RALYL: variants seen among roughly 807,000 people sequenced by gnomAD.
The protein encoded by RALYL is RALY RNA binding protein like, also known as RNA-binding Raly-like protein.
In RALYL, 29 loss-of-function variants were observed where a neutral mutation model predicts 35.1. The ratio of observed to expected loss-of-function variants is 0.83; its 90% CI spans 0.61 to 1.13. The LOEUF (loss-of-function observed/expected upper bound fraction) is 1.13. Ranked by LOEUF, RALYL falls within the 50% of genes most tolerant of loss-of-function variation. The pLI is 0.00. For missense variants in RALYL, 359 were observed against 360.4 expected, an observed-to-expected ratio of 1.00 and a Z score of 0.03; for synonymous variants, 120 against 127.6, an observed-to-expected ratio of 0.94 and a Z score of 0.40.
intron 1 of RALYL, among the ~76,000 whole-genome samples, chr8:84,351,713 A>G (rs1850925487): frequency 6.7e-6 from 1 of 150,056 alleles, no homozygotes; most frequent in South Asian, 2.1e-4. Context: ...TTGTTTTGCA[A>G]GGATGGGGTG....
At chr8:84,687,582 G>C (rs1368224845) in intron 2 of RALYL, among the ~76,000 whole-genome samples, 1 of 151,976 alleles carries the variant, frequency 6.6e-6, no homozygotes, top group Non-Finnish European at 1.5e-5. Context: ...ATCTTGTTTA[G>C]CTCAGTTACT....
chr8:84,719,386 A>G (rs867146962), intron 2 of RALYL, among the ~76,000 whole-genome samples: 2 of 152,146 alleles, frequency 1.3e-5, no homozygotes, highest in African/African-American at 2.4e-5. Context: ...ATATTCACAG[A>G]TGTGTATGCA....
chr8:84,351,562 A>G (rs1285808503), intron 1 of RALYL, among the ~76,000 whole-genome samples: 2 of 149,216 alleles, frequency 1.3e-5, no homozygotes, highest in Non-Finnish European at 3.0e-5. Context: ...GGCCAACTAG[A>G]TACCCTTCAA....
chr8:84,324,606 A>T (rs1053292676), intron 1 of RALYL, among the ~76,000 whole-genome samples: 1 of 149,418 alleles, frequency 6.7e-6, no homozygotes, highest in Admixed American at 6.6e-5. Context: ...TTTTTTTGTA[A>T]ACTTTTCCAG....
chr8:84,818,558 A>G (rs186870205), intron 4 of RALYL, among the ~76,000 whole-genome samples: 1 of 152,198 alleles, frequency 6.6e-6, no homozygotes, highest in African/African-American at 2.4e-5. Context: ...AGCTAGGAAG[A>G]TTCAGGAAAA....
intron 1 of RALYL, among the ~76,000 whole-genome samples, chr8:84,470,136 G>T (rs541000849): frequency 2.0e-5 from 3 of 152,166 alleles, no homozygotes; most frequent in Non-Finnish European, 4.4e-5. Context: ...GACAGGAGCT[G>T]TTCCTATTCG....
intron 1 of RALYL, among the ~76,000 whole-genome samples, chr8:84,221,273 A>C (rs1444375811): frequency 7.1e-6 from 1 of 141,360 alleles, no homozygotes; most frequent in Non-Finnish European, 1.6e-5. Context: ...ATCTTATAAG[A>C]AAATGGAAAG....
chr8:84,886,984 C>A (rs1842998706), intron 7 of RALYL, among the ~76,000 whole-genome samples: 1 of 152,144 alleles, frequency 6.6e-6, no homozygotes, highest in South Asian at 2.1e-4. Flanking sequence ...CAACTTTGAA[C>A]CCAGGTTGTC....
intron 8 of RALYL, among the ~76,000 whole-genome samples, chr8:84,913,023 GAT>G (rs1563856102): frequency 3.5e-4 from 48 of 138,926 alleles, no homozygotes; most frequent in African/African-American, 7.7e-4. Context: ...TGGATGGATG[GAT>G]GGATGGATAG....
At chr8:84,240,242 G>A (rs921202508) in intron 1 of RALYL, among the ~76,000 whole-genome samples, 1 of 152,116 alleles carries the variant, frequency 6.6e-6, no homozygotes, top group African/African-American at 2.4e-5. Flanking sequence ...TACTTTTGAT[G>A]TTATTGTTTT....
intron 7 of RALYL, among the ~76,000 whole-genome samples, chr8:84,875,655 G>T (rs1412311990): frequency 6.6e-6 from 1 of 151,926 alleles, no homozygotes; most frequent in Admixed American, 6.6e-5. Flanking sequence ...AGAAATAAAA[G>T]ATAAATGTTT....
chr8:84,548,191 G>T (rs1026963427), intron 2 of RALYL, among the ~76,000 whole-genome samples: 29 of 149,256 alleles, frequency 1.9e-4, no homozygotes, highest in African/African-American at 6.7e-4. Flanking sequence ...GTTTATTTTT[G>T]ATCTTTAAAA....
At chr8:84,522,682 C>T (rs2058557297) in intron 1 of RALYL, among the ~76,000 whole-genome samples, 1 of 152,158 alleles carries the variant, frequency 6.6e-6, no homozygotes, top group Admixed American at 6.5e-5. Flanking sequence ...TTTATTGCAG[C>T]ATTTTCCATG....
At chr8:84,394,534 A>G (rs1861376005) in intron 1 of RALYL, among the ~76,000 whole-genome samples, 1 of 152,014 alleles carries the variant, frequency 6.6e-6, no homozygotes, top group Non-Finnish European at 1.5e-5. Context: ...ATTTAGCAAT[A>G]ATATGATTAG....
intron 2 of RALYL, among the ~76,000 whole-genome samples, chr8:84,538,708 G>T (rs1233412964): frequency 6.6e-6 from 1 of 152,004 alleles, no homozygotes; most frequent in African/African-American, 2.4e-5. Context: ...ACAAGATAAA[G>T]CATGATGTAA....
intron 1 of RALYL, among the ~76,000 whole-genome samples, chr8:84,269,192 G>A (rs971969314): frequency 2.0e-5 from 3 of 152,038 alleles, no homozygotes; most frequent in Non-Finnish European, 4.4e-5. Flanking sequence ...ATTAATATGG[G>A]AAAGAATGAC....
intron 1 of RALYL, among the ~76,000 whole-genome samples, chr8:84,523,881 T>A (rs948362712): frequency 6.6e-6 from 1 of 152,078 alleles, no homozygotes; most frequent in Non-Finnish European, 1.5e-5. Context: ...TTCCATGTTG[T>A]ATATGTGCCA....
At chr8:84,191,776 G>T (rs1416176860) in intron 1 of RALYL, among the ~76,000 whole-genome samples, 1 of 151,978 alleles carries the variant, frequency 6.6e-6, no homozygotes, top group Non-Finnish European at 1.5e-5. Flanking sequence ...ATATAAAAAA[G>T]AAAAATGACA....
At chr8:84,463,254 C>A (rs1414429244) in intron 1 of RALYL, among the ~76,000 whole-genome samples, 4 of 151,962 alleles carry the variant, frequency 2.6e-5, no homozygotes, top group African/African-American at 7.2e-5. Context: ...AGAGGTCTTC[C>A]ATTAAGTGTA....
Sources: gnomAD v4.1 joint callset for allele counts (sites outside exome capture counted in the v4.1 genomes callset) on GRCh38, gnomAD v4.1.1 for gene constraint, MANE v1.5 for transcripts, NCBI Gene and HGNC (gene_info 2026-07-23, HGNC 2026-07-21) for gene names.